Variants in TMTC2 observed in about 807,000 individuals in gnomAD.
TMTC2 encodes the protein protein O-mannosyl-transferase TMTC2.
In TMTC2, 43 loss-of-function variants were observed where a neutral mutation model predicts 82.4. The ratio of observed to expected loss-of-function variants is 0.52; its 90% CI spans 0.41 to 0.67. The LOEUF is 0.67. Ranked by LOEUF, TMTC2 falls within the 30% of genes least tolerant of loss-of-function variation. The pLI is 0.00. For synonymous variants in TMTC2, 408 were observed against 381.9 expected (o/e 1.07, Z -0.80); for missense variants, 919 against 1,012.4 (o/e 0.91, Z 1.25).
chr12:82,852,258 C>T (rs1173865001), intron 1 of TMTC2, among the ~76,000 whole-genome samples: 5 of 151,984 alleles, frequency 3.3e-5, no homozygotes, highest in African/African-American at 4.8e-5. Context: ...CCCGCCACCA[C>T]GCCCGGCTAA....
At chr12:82,723,981 C>T (rs1024269952) in intron 1 of TMTC2, among the ~76,000 whole-genome samples, 2 of 152,188 alleles carry the variant, frequency 1.3e-5, no homozygotes, top group African/African-American at 4.8e-5. Context: ...GGATAAACCA[C>T]TTAATTTTTC....
chr12:83,003,467 G>T (rs1447042915), intron 8 of TMTC2, among the ~76,000 whole-genome samples: 2 of 152,046 alleles, frequency 1.3e-5, no homozygotes, highest in African/African-American at 4.8e-5. Context: ...TGTGTTATTA[G>T]CTGTTTTATG....
At chr12:83,041,178 T>G (rs544723862) in intron 9 of TMTC2, among the ~76,000 whole-genome samples, 13 of 152,342 alleles carry the variant, frequency 8.5e-5, no homozygotes, top group African/African-American at 3.1e-4. Context: ...ATACATTCTT[T>G]TCAATCTGTC....
At chr12:82,749,702 A>G (rs1171197519) in intron 1 of TMTC2, among the ~76,000 whole-genome samples, 4 of 151,514 alleles carry the variant, frequency 2.6e-5, no homozygotes, top group South Asian at 4.2e-4. Context: ...TTGTGTTAAC[A>G]GATAGAAACT....
At chr12:83,108,955 A>T (rs1884507917) in intron 11 of TMTC2, among the ~76,000 whole-genome samples, 1 of 152,140 alleles carries the variant, frequency 6.6e-6, no homozygotes, top group Non-Finnish European at 1.5e-5. Context: ...CACTTTCTTT[A>T]TTCATTTCAC....
At chr12:83,007,256 A>G (rs1415866120) in intron 8 of TMTC2, among the ~76,000 whole-genome samples, 1 of 150,636 alleles carries the variant, frequency 6.6e-6, no homozygotes, top group African/African-American at 2.4e-5. Context: ...CTTCTTCTTT[A>G]TCTAGTTTCT....
chr12:82,968,354 A>G (rs1878312131), intron 7 of TMTC2, among the ~76,000 whole-genome samples: 1 of 152,198 alleles, frequency 6.6e-6, no homozygotes, highest in Non-Finnish European at 1.5e-5. Context: ...ATCTGTCTAT[A>G]TGAATAAAAT....
intron 11 of TMTC2, among the ~76,000 whole-genome samples, chr12:83,114,091 A>G (rs1160511290): frequency 1.3e-5 from 2 of 152,132 alleles, no homozygotes; most frequent in African/African-American, 4.8e-5. Context: ...AGATGAAAAA[A>G]AAATGTCTCA....
At chr12:82,873,806 C>T (rs191159230) in intron 2 of TMTC2, among the ~76,000 whole-genome samples, 40 of 152,196 alleles carry the variant, frequency 2.6e-4, no homozygotes, top group Non-Finnish European at 5.4e-4. Context: ...ACCCAGTTTC[C>T]ATTCTGTTAC....
intron 2 of TMTC2, among the ~76,000 whole-genome samples, chr12:82,873,756 T>G (rs988158603): frequency 6.6e-6 from 1 of 152,100 alleles, no homozygotes; most frequent in Non-Finnish European, 1.5e-5. Context: ...TGATGGGGAG[T>G]TTTATCGAAT....
intron 1 of TMTC2, among the ~76,000 whole-genome samples, chr12:82,798,102 C>A (rs1425159042): frequency 6.6e-6 from 1 of 150,840 alleles, no homozygotes; most frequent in East Asian, 2.0e-4. Flanking sequence ...GCTACAAGCA[C>A]CTGCCAGGAC....
chr12:83,030,257 A>G (rs1881371592), intron 8 of TMTC2, among the ~76,000 whole-genome samples: 1 of 152,142 alleles, frequency 6.6e-6, no homozygotes, highest in Non-Finnish European at 1.5e-5. Context: ...GATTGTTTTA[A>G]GTATTTTTGG....
intron 11 of TMTC2, among the ~76,000 whole-genome samples, chr12:83,120,548 TAGG>T (rs1279217602): frequency 6.6e-6 from 1 of 152,236 alleles, no homozygotes; most frequent in Non-Finnish European, 1.5e-5. Flanking sequence ...TTTTCCTTTA[TAGG>T]TTACCTGGTA....
At chr12:82,808,499 C>T (rs546090566) in intron 1 of TMTC2, among the ~76,000 whole-genome samples, 2 of 151,830 alleles carry the variant, frequency 1.3e-5, no homozygotes, top group Non-Finnish European at 2.9e-5. Flanking sequence ...GCTGTCAGTT[C>T]GTAGATATGG....
intron 1 of TMTC2, among the ~76,000 whole-genome samples, chr12:82,787,314 A>G (rs951486901): frequency 6.6e-6 from 1 of 152,044 alleles, no homozygotes; most frequent in African/African-American, 2.4e-5. Context: ...CATGTGGGAT[A>G]GCTTGTTTGT....
Sources: allele counts gnomAD v4.1 joint callset (sites outside exome capture counted in the v4.1 genomes callset), GRCh38; gene constraint gnomAD v4.1.1; transcripts MANE v1.5; gene names NCBI Gene and HGNC (gene_info 2026-07-23, HGNC 2026-07-21).